Variants in ZNF341 observed in about 807,000 individuals in gnomAD.
The protein encoded by ZNF341 is zinc finger protein 341.
In ZNF341, 52 loss-of-function variants were observed where a neutral mutation model predicts 87.7. That is an observed-to-expected ratio of 0.59 (90% CI 0.47 to 0.75). The LOEUF (loss-of-function observed/expected upper bound fraction) is 0.75, where lower values mean the gene tolerates loss of function less well. Ranked by LOEUF, ZNF341 falls within the 30% of genes least tolerant of loss-of-function variation. ZNF341 has a pLI of 0.00. For synonymous variants in ZNF341, 459 were observed against 472.7 expected, an observed-to-expected ratio of 0.97 and a Z score of 0.38; for missense variants, 977 against 1,145.9, an observed-to-expected ratio of 0.85 and a Z score of 2.13.
At chr20:33,770,885 C>G (rs1181699778) in intron 10 of ZNF341, among the ~76,000 whole-genome samples, 1 of 152,126 alleles carries the variant, frequency 6.6e-6, no homozygotes, top group Non-Finnish European at 1.5e-5. Flanking sequence ...CTTTGGGAGG[C>G]TGAGGCGGGC....
At chr20:33,770,801 A>G (rs1041267109) in intron 10 of ZNF341, among the ~76,000 whole-genome samples, 9 of 152,240 alleles carry the variant, frequency 5.9e-5, no homozygotes, top group Middle Eastern at 6.8e-3. Context: ...ATGAGACCCC[A>G]TCTCTACAAA....
chr20:33,773,749 A>G (rs2019572001), intron 10 of ZNF341, among the ~76,000 whole-genome samples: 1 of 152,178 alleles, frequency 6.6e-6, no homozygotes, highest in Admixed American at 6.6e-5. Context: ...TGCATGCAGT[A>G]GAAACCTCAA....
At chr20:33,764,056 ACT>A (rs932093042) in intron 8 of ZNF341, among the ~76,000 whole-genome samples, 1 of 128,856 alleles carries the variant, frequency 7.8e-6, no homozygotes, top group Non-Finnish European at 1.6e-5. Context: ...ACGGAGTCTC[ACT>A]CTGTTGCCCA....
chr20:33,768,019 CT>C (rs2019444383), intron 9 of ZNF341, among the ~76,000 whole-genome samples: 1 of 152,290 alleles, frequency 6.6e-6, no homozygotes, highest in South Asian at 2.1e-4. Context: ...AAGCTTTTGC[CT>C]TTGTGTTCTG....
chr20:33,778,179 A>G (rs1405457980), intron 10 of ZNF341, among the ~76,000 whole-genome samples: 3 of 152,200 alleles, frequency 2.0e-5, no homozygotes, highest in Admixed American at 6.6e-5. Flanking sequence ...CCCCTGAAGC[A>G]TGTGAGATTC....
At chr20:33,749,184 C>CA in intron 4 of ZNF341, 112 bp downstream of exon 4, 4 of 1,375,648 alleles carry the variant, frequency 2.9e-6, no homozygotes, top group African/African-American at 2.9e-5. Context: ...CTCCCTGATG[C>CA]TGAGGGAGGC....
chr20:33,770,003 C>A, intron 9 of ZNF341, 81 bp from the exon 10 acceptor site: 1 of 929,474 alleles, frequency 1.1e-6, no homozygotes, highest in Non-Finnish European at 1.7e-6. Context: ...CATCAGTGTC[C>A]AAGGCCAATG....
chr20:33,752,391 G>T, intron 4 of ZNF341: 1 of 629,132 alleles, frequency 1.6e-6, no homozygotes, highest in Non-Finnish European at 3.1e-6. Flanking sequence ...TTCATGGCAA[G>T]TTTCCGAATC....
intron 12 of ZNF341, chr20:33,787,468 T>C (rs1268970294): frequency 1.3e-5 from 2 of 152,208 alleles, no homozygotes; most frequent in Admixed American, 1.3e-4. Context: ...AGAAGTACTT[T>C]ATTCATTCCA....
At position 33,791,912 on chromosome 20, in the gene ZNF341, G is replaced by A. The variant is rs1435946821; in HGVS notation, c.*395G>A. On this transcript the variant is annotated 3_prime_UTR_variant, in exon 15 of 15. Transcript: ENST00000375200. ...TAGCCTCTAGTCTGCTGTTCTTCAG[G>A]AGGCCTGCCATAAACTCTTCGGAGT... 1.5e-5 allele frequency: 3 copies of A among 203,750 alleles called. No homozygotes were observed. The highest frequency in any genetic ancestry group is 6.9e-5 in the African/African-American group (3 of 43,310). 12.6% of individuals were successfully genotyped at this position (203,750 alleles called of 1,614,324 possible).
At position 33,732,171 on chromosome 20, in the gene ZNF341, G is replaced by C; in HGVS notation, c.31+119G>C. 1.2e-5 allele frequency: 9 copies of C among 737,926 alleles called. No individual in the cohort carries two copies. The highest frequency in any genetic ancestry group is 5.9e-5 in the South Asian group (1 of 17,092). 45.7% of individuals were successfully genotyped at this position (737,926 alleles called of 1,614,324 possible). A position where few individuals can be genotyped will look rare whatever the true frequency, so the allele number is the denominator to read the frequency against. On this transcript the variant is annotated intron_variant, in intron 1 of 14. Transcript: ENST00000375200. The surrounding 1 kb of genome is among the most constrained non-coding windows in gnomAD (Gnocchi z 4.5). ...CGCGGGGCGGAGGGCGCCGGGGCTG[G>C]AACAGCCGCGGGGCGGGAGGGGCGC...
intron 3 of ZNF341, among the ~76,000 whole-genome samples, chr20:33,746,191 A>G (rs552113296): frequency 3.4e-4 from 49 of 143,228 alleles, no homozygotes; most frequent in Non-Finnish European, 6.2e-4. Context: ...GGCCTCCCAA[A>G]GTGCTGGGAT....
At chr20:33,748,462 TTTTG>T (rs1350298558) in intron 3 of ZNF341, among the ~76,000 whole-genome samples, 2 of 152,104 alleles carry the variant, frequency 1.3e-5, no homozygotes, top group South Asian at 2.1e-4. Context: ...TTCATTCCGT[TTTTG>T]TTTGTTTGTT....
intron 12 of ZNF341, chr20:33,788,611 G>C (rs1340025965): frequency 2.0e-6 from 1 of 503,532 alleles, no homozygotes. Flanking sequence ...CTGCTGCCCA[G>C]ACCATCTCCC....
At chr20:33,739,427 G>T (rs193202403) in intron 1 of ZNF341, among the ~76,000 whole-genome samples, 1 of 152,308 alleles carries the variant, frequency 6.6e-6, no homozygotes, top group East Asian at 1.9e-4. Flanking sequence ...TGCCTTGGTG[G>T]CCACTGAGAT....
chr20:33,781,465 C>A (rs2019742668), intron 11 of ZNF341, 78 bp downstream of exon 11: 2 of 1,286,588 alleles, frequency 1.6e-6, no homozygotes, highest in Non-Finnish European at 2.3e-6. Context: ...ACACCTCACC[C>A]TTTCCTTCTC....
At chr20:33,757,581 GTC>G (rs1254256103) in intron 6 of ZNF341, among the ~76,000 whole-genome samples, 2 of 152,210 alleles carry the variant, frequency 1.3e-5, no homozygotes, top group Non-Finnish European at 2.9e-5. Flanking sequence ...CGTTTCTTCT[GTC>G]TTTCTGTTTC....
chr20:33,765,410 GCT>G (rs1337300376), intron 8 of ZNF341, among the ~76,000 whole-genome samples: 8 of 149,002 alleles, frequency 5.4e-5, no homozygotes, highest in Non-Finnish European at 1.0e-4. Context: ...ACAAGATCTT[GCT>G]CTGTCACCCA....
chr20:33,784,531 T>G (rs1452391499), intron 12 of ZNF341, among the ~76,000 whole-genome samples: 2 of 136,140 alleles, frequency 1.5e-5, no homozygotes, highest in Admixed American at 7.7e-5. Context: ...CTGATCCACC[T>G]GCCTTAATTC....
Sources: allele counts gnomAD v4.1 joint callset (sites outside exome capture counted in the v4.1 genomes callset), GRCh38; gene constraint gnomAD v4.1.1; non-coding constraint Gnocchi (gnomAD v3.1); transcripts MANE v1.5; gene names NCBI Gene and HGNC (gene_info 2026-07-23, HGNC 2026-07-21).